Variants in DYNC2LI1 observed in about 807,000 individuals in gnomAD.
DYNC2LI1 encodes the protein dynein cytoplasmic 2 light intermediate chain 1.
A neutral mutation model predicts 51.9 loss-of-function variants in DYNC2LI1; 45 were observed. That is an observed-to-expected ratio of 0.87 (90% CI 0.68 to 1.11). The LOEUF is 1.11. Ranked by LOEUF, DYNC2LI1 falls within the 50% of genes most tolerant of loss-of-function variation. DYNC2LI1 has a pLI of 0.00. For synonymous variants in DYNC2LI1, 130 were observed against 137.8 expected (o/e 0.94, Z 0.40); for missense variants, 490 against 417.4 (o/e 1.17, Z -1.51).
the DYNC2LI1 span, chr2:43,822,733 C>G: frequency 1.9e-6 from 3 of 1,610,630 alleles, no homozygotes; most frequent in Middle Eastern, 1.6e-4. Context: ...TCTCCCTGCA[C>G]GAGTCCCACT....
At chr2:43,821,299 T>C in the DYNC2LI1 span, among the ~76,000 whole-genome samples, 16 of 152,298 alleles carry the variant, frequency 1.1e-4, no homozygotes, top group African/African-American at 3.4e-4. Context: ...TTTTTGCTCC[T>C]CTCCCCTATC....
intron 2 of DYNC2LI1, among the ~76,000 whole-genome samples, chr2:43,782,330 A>G (rs1363689837): frequency 6.6e-6 from 1 of 152,046 alleles, no homozygotes; most frequent in African/African-American, 2.4e-5. Context: ...AATTTACTCA[A>G]TTTGATCGTA....
chr2:43,806,781 A>G (rs1186478608), intron 12 of DYNC2LI1, among the ~76,000 whole-genome samples: 2 of 152,222 alleles, frequency 1.3e-5, no homozygotes, highest in African/African-American at 2.4e-5. Context: ...ACTTAAAACC[A>G]TAAGAATTTT....
chr2:43,826,429 G>A, the DYNC2LI1 span: 15 of 1,613,926 alleles, frequency 9.3e-6, no homozygotes, highest in South Asian at 1.4e-4. Context: ...ACCACAATTC[G>A]GTTCCTGCGA....
At chr2:43,812,380 CACA>C (rs1666529014), downstream of DYNC2LI1, 1 of 145,406 alleles carries the variant, frequency 6.9e-6, no homozygotes, top group South Asian at 2.1e-4. Flanking sequence ...GGTACATGTG[CACA>C]ATGTGCCTAT....
chr2:43,801,396 C>T (rs900919043), intron 9 of DYNC2LI1: 1 of 300,400 alleles, frequency 3.3e-6, no homozygotes, highest in African/African-American at 2.2e-5. Context: ...AGCCTTGCTA[C>T]TTCTCTTGGT....
At chr2:43,808,187 A>T (rs1157262896) in intron 12 of DYNC2LI1, among the ~76,000 whole-genome samples, 1 of 152,168 alleles carries the variant, frequency 6.6e-6, no homozygotes, top group Admixed American at 6.5e-5. Flanking sequence ...TATTAGAAAA[A>T]AATAAAACAA....
the DYNC2LI1 span, among the ~76,000 whole-genome samples, chr2:43,821,987 C>G: frequency 5.3e-5 from 8 of 152,114 alleles, no homozygotes; most frequent in Non-Finnish European, 1.0e-4. Flanking sequence ...CTGGGAACTT[C>G]CTCTTTGACT....
At chr2:43,798,900 C>T (rs1489669797) in intron 8 of DYNC2LI1, among the ~76,000 whole-genome samples, 1 of 150,128 alleles carries the variant, frequency 6.7e-6, no homozygotes, top group Non-Finnish European at 1.5e-5. Flanking sequence ...TTGCAAAATT[C>T]CATGAAATTT....
chr2:43,788,366 A>G (rs1412789188), intron 4 of DYNC2LI1, among the ~76,000 whole-genome samples: 1 of 152,258 alleles, frequency 6.6e-6, no homozygotes, highest in African/African-American at 2.4e-5. Context: ...TTCCAGGCTC[A>G]TGGGAGCAGA....
intron 2 of DYNC2LI1, among the ~76,000 whole-genome samples, chr2:43,780,216 G>A (rs2104663161): frequency 6.6e-6 from 1 of 152,310 alleles, no homozygotes; most frequent in South Asian, 2.1e-4. Flanking sequence ...TGGAAGCAGT[G>A]CAGTTTCCAG....
chr2:43,797,225 C>A (rs1345341415), intron 8 of DYNC2LI1, among the ~76,000 whole-genome samples: 2 of 152,176 alleles, frequency 1.3e-5, no homozygotes, highest in African/African-American at 4.8e-5. Context: ...TGAAGTCATG[C>A]TCCCTGGGTT....
intron 8 of DYNC2LI1, among the ~76,000 whole-genome samples, chr2:43,799,477 T>C (rs1411999655): frequency 4.6e-5 from 7 of 152,180 alleles, no homozygotes; most frequent in Non-Finnish European, 1.0e-4. Flanking sequence ...GAATGTTCCA[T>C]GGAAAAGTGA....
At chr2:43,794,155 A>T (rs1673921968) in intron 5 of DYNC2LI1, 1 of 238,936 alleles carries the variant, frequency 4.2e-6, no homozygotes, top group African/African-American at 2.3e-5. Context: ...AACTGGATGT[A>T]AACGTGGCAT....
At chr2:43,775,461 T>A (rs1672966432) in intron 1 of DYNC2LI1, among the ~76,000 whole-genome samples, 1 of 151,676 alleles carries the variant, frequency 6.6e-6, no homozygotes, top group Non-Finnish European at 1.5e-5. Flanking sequence ...TTCAAAATGT[T>A]TGTGGTTTTA....
chr2:43,814,427 G>A (rs185564936), downstream of DYNC2LI1: 10 of 1,165,262 alleles, frequency 8.6e-6, no homozygotes, highest in Middle Eastern at 1.9e-4. Flanking sequence ...CCAAGAAATT[G>A]CTTCCTCAGA....
At chr2:43,812,693 C>G (rs1420189622), downstream of DYNC2LI1, 2 of 201,496 alleles carry the variant, frequency 9.9e-6, no homozygotes, top group African/African-American at 4.7e-5. Context: ...TCTAAACCCA[C>G]AACTCTCTTT....
the DYNC2LI1 span, chr2:43,826,424 A>G: frequency 6.2e-7 from 1 of 1,614,084 alleles, no homozygotes; most frequent in East Asian, 2.2e-5. Context: ...TGAGAACCAC[A>G]ATTCGGTTCC....
chr2:43,822,822 T>C, the DYNC2LI1 span: 1 of 1,614,160 alleles, frequency 6.2e-7, no homozygotes, highest in Non-Finnish European at 8.5e-7. Context: ...CTGAAAATCA[T>C]GGTGGCAACA....
Sources: gnomAD v4.1 joint callset for allele counts (sites outside exome capture counted in the v4.1 genomes callset) on GRCh38, gnomAD v4.1.1 for gene constraint, MANE v1.5 for transcripts, NCBI Gene and HGNC (gene_info 2026-07-23, HGNC 2026-07-21) for gene names.